Variants in CSMD3 observed in about 807,000 individuals in gnomAD.
CSMD3 encodes the protein CUB and sushi domain-containing protein 3.
Under a neutral mutation model 435.2 loss-of-function variants are expected in CSMD3, and 177 were observed. The observed-to-expected ratio is 0.41, with a 90% CI of 0.36 to 0.46. The LOEUF (loss-of-function observed/expected upper bound fraction) is 0.46, where lower values mean the gene tolerates loss of function less well. CSMD3 is among the 20% of genes least tolerant of loss of function. The pLI is 0.34. For synonymous variants in CSMD3, 1,656 were observed against 1,520.5 expected (o/e 1.09, Z -2.07); for missense variants, 4,265 against 4,504.6 (o/e 0.95, Z 1.52).
At chr8:112,386,544 A>C (rs142752958) in intron 36 of CSMD3, among the ~76,000 whole-genome samples, 10,708 of 151,802 alleles carry the variant, frequency 0.071, 548 homozygotes, top group Non-Finnish European at 0.11. Flanking sequence ...GTCGCCCAGG[A>C]TGGAGTGCAG....
intron 1 of CSMD3, among the ~76,000 whole-genome samples, chr8:113,422,956 A>T (rs1200806962): frequency 6.6e-6 from 1 of 152,088 alleles, no homozygotes; most frequent in Non-Finnish European, 1.5e-5. Flanking sequence ...GAATATGTGC[A>T]TATACACAAT....
chr8:112,676,060 T>C (rs2075763897), intron 16 of CSMD3, among the ~76,000 whole-genome samples: 1 of 152,082 alleles, frequency 6.6e-6, no homozygotes, highest in Admixed American at 6.6e-5. Context: ...TTGCTATTAA[T>C]AATGGAGAAA....
chr8:112,308,793 A>C (rs1821684247), intron 50 of CSMD3, among the ~76,000 whole-genome samples: 1 of 152,068 alleles, frequency 6.6e-6, no homozygotes, highest in Admixed American at 6.6e-5. Context: ...GTTTATCCTC[A>C]TGTTGTGTAA....
intron 13 of CSMD3, among the ~76,000 whole-genome samples, chr8:112,696,402 G>A (rs1586993373): frequency 6.6e-6 from 1 of 152,210 alleles, no homozygotes; most frequent in African/African-American, 2.4e-5. Context: ...ACAGAACAGA[G>A]CCCTCAGGAA....
At chr8:112,607,646 T>C (rs902093921) in intron 22 of CSMD3, among the ~76,000 whole-genome samples, 11 of 152,134 alleles carry the variant, frequency 7.2e-5, no homozygotes, top group Non-Finnish European at 1.0e-4. Flanking sequence ...GGATGCAATA[T>C]GTTTCAGTTT....
chr8:112,303,626 A>T (rs930500419), intron 52 of CSMD3, among the ~76,000 whole-genome samples: 1 of 152,112 alleles, frequency 6.6e-6, no homozygotes, highest in Non-Finnish European at 1.5e-5. Flanking sequence ...TACAATATTA[A>T]ATATAATTTA....
At chr8:113,261,857 A>C (rs2132358483) in intron 3 of CSMD3, among the ~76,000 whole-genome samples, 1 of 152,198 alleles carries the variant, frequency 6.6e-6, no homozygotes, top group South Asian at 2.1e-4. Flanking sequence ...ATACTAGCTA[A>C]CATATATGAA....
intron 10 of CSMD3, among the ~76,000 whole-genome samples, chr8:112,873,572 C>G (rs911507921): frequency 2.0e-5 from 3 of 151,992 alleles, no homozygotes; most frequent in African/African-American, 7.2e-5. Flanking sequence ...TTTGCATCTT[C>G]TAATGACAAG....
chr8:113,058,424 T>G (rs1195404670), intron 5 of CSMD3, among the ~76,000 whole-genome samples: 1 of 151,666 alleles, frequency 6.6e-6, no homozygotes, highest in African/African-American at 2.4e-5. Context: ...GTTTGCTGGG[T>G]TTTTTTAATA....
At chr8:112,472,047 T>C (rs910173666) in intron 32 of CSMD3, among the ~76,000 whole-genome samples, 4 of 152,188 alleles carry the variant, frequency 2.6e-5, no homozygotes, top group African/African-American at 7.2e-5. Context: ...TTAGTGCCAA[T>C]GCAGAACAGA....
chr8:113,084,540 A>G (rs1022842192), intron 5 of CSMD3, among the ~76,000 whole-genome samples: 16 of 151,710 alleles, frequency 1.1e-4, no homozygotes, highest in African/African-American at 3.9e-4. Context: ...AGGAATATAC[A>G]GATTCAATGG....
chr8:112,472,237 G>C (rs566564389), intron 32 of CSMD3, among the ~76,000 whole-genome samples: 1 of 152,108 alleles, frequency 6.6e-6, no homozygotes, highest in Non-Finnish European at 1.5e-5. Flanking sequence ...TTCAATATTT[G>C]ACTTAATACA....
intron 61 of CSMD3, among the ~76,000 whole-genome samples, chr8:112,258,811 G>A (rs977484985): frequency 1.3e-5 from 2 of 152,126 alleles, no homozygotes; most frequent in African/African-American, 2.4e-5. Context: ...AGGCCAAGGC[G>A]GGCGGATCAC....
chr8:112,979,514 A>T (rs1229292791), intron 6 of CSMD3, among the ~76,000 whole-genome samples: 1 of 151,630 alleles, frequency 6.6e-6, no homozygotes, highest in Non-Finnish European at 1.5e-5. Flanking sequence ...TTGAATACAC[A>T]ACTATTTTAT....
chr8:113,190,437 C>G (rs981471812), intron 3 of CSMD3, among the ~76,000 whole-genome samples: 1 of 151,676 alleles, frequency 6.6e-6, no homozygotes, highest in Non-Finnish European at 1.5e-5. Flanking sequence ...CCTTGAAGCA[C>G]AGAATGCATG....
rs1266466740 is a variant in CSMD3, at chr8:112,224,528, A to C, written c.*243T>G. Reference sequence around the variant, plus strand: ...TATTTTAGAATAATCTCCTTTTTAAAAAAAGCAAATAAACTGTGAGTAAGC... The same window carrying C: ...TATTTTAGAATAATCTCCTTTTTAACAAAAGCAAATAAACTGTGAGTAAGC... On this transcript the variant is annotated 3_prime_UTR_variant, in exon 71 of 71. Transcript: ENST00000297405. 3 of 541,322 alleles carry C rather than the reference A, an allele frequency of 5.5e-6. No individual in the cohort carries two copies. Among genetic ancestry groups the C allele is most frequent in the Non-Finnish European group, 1.0e-5 (3 of 300,574 alleles). 33.5% of individuals were successfully genotyped at this position (541,322 alleles called of 1,614,324 possible). A position where few individuals can be genotyped will look rare whatever the true frequency, so the allele number is the denominator to read the frequency against.
At chr8:112,289,564 A>C (rs762719828) in intron 56 of CSMD3, 26 bp from the exon 57 acceptor site, 38 of 1,488,252 alleles carry the variant, frequency 2.6e-5, no homozygotes, top group Non-Finnish European at 3.4e-5. Flanking sequence ...ATTAAATATA[A>C]AATTTTTTTA....
At chr8:112,482,587 T>C (rs1819735638) in intron 31 of CSMD3, among the ~76,000 whole-genome samples, 1 of 152,168 alleles carries the variant, frequency 6.6e-6, no homozygotes, top group South Asian at 2.1e-4. Flanking sequence ...GGAAACTGTA[T>C]GGGAAGATAA....
At chr8:113,073,780 C>T (rs772414182) in intron 5 of CSMD3, among the ~76,000 whole-genome samples, 10 of 151,704 alleles carry the variant, frequency 6.6e-5, no homozygotes, top group Admixed American at 3.3e-4. Flanking sequence ...GGACCTTTCA[C>T]AATTCTTGAC....
Sources: gnomAD v4.1 joint callset for allele counts (sites outside exome capture counted in the v4.1 genomes callset) on GRCh38, gnomAD v4.1.1 for gene constraint, MANE v1.5 for transcripts, NCBI Gene and HGNC (gene_info 2026-07-23, HGNC 2026-07-21) for gene names.